The following BCAS3 variants were observed in gnomAD, a reference collection of about 807,000 sequenced individuals.
The protein encoded by BCAS3 is BCAS3 microtubule associated cell migration factor.
Under a neutral mutation model 116.1 loss-of-function variants are expected in BCAS3, and 53 were observed. That is an observed-to-expected ratio of 0.46 (90% CI 0.37 to 0.57). The LOEUF is 0.57. Ranked by LOEUF, BCAS3 falls within the 20% of genes least tolerant of loss-of-function variation. The probability of loss-of-function intolerance (pLI) is 0.00; values close to 1 mark genes in which losing one functional copy is unlikely to be tolerated. For missense variants in BCAS3, 917 were observed against 1,165.4 expected, an observed-to-expected ratio of 0.79 and a Z score of 3.10; for synonymous variants, 391 against 408.2, an observed-to-expected ratio of 0.96 and a Z score of 0.51.
At chr17:60,830,072 A>G (rs777969616) in intron 7 of BCAS3, among the ~76,000 whole-genome samples, 44 of 152,232 alleles carry the variant, frequency 2.9e-4, no homozygotes, top group Non-Finnish European at 4.4e-4. Flanking sequence ...GCTCACCGCA[A>G]CCTCTGCCTC....
intron 15 of BCAS3, among the ~76,000 whole-genome samples, chr17:61,000,261 C>G (rs1350104025): frequency 6.6e-6 from 1 of 152,066 alleles, no homozygotes; most frequent in African/African-American, 2.4e-5. Context: ...ATGATGTTGG[C>G]TATGAGTTTG....
chr17:60,860,401 T>G (rs889117294), intron 7 of BCAS3, among the ~76,000 whole-genome samples: 2 of 152,208 alleles, frequency 1.3e-5, no homozygotes, highest in Non-Finnish European at 2.9e-5. Context: ...GTCAGATGCA[T>G]AGTTCACAAA....
intron 19 of BCAS3, among the ~76,000 whole-genome samples, chr17:61,064,675 A>G (rs941672145): frequency 6.6e-6 from 1 of 152,170 alleles, no homozygotes; most frequent in Non-Finnish European, 1.5e-5. Context: ...GAAGATATAT[A>G]CTTTTTCTAA....
chr17:61,120,468 T>C (rs1454480673), intron 22 of BCAS3, among the ~76,000 whole-genome samples: 8 of 152,130 alleles, frequency 5.3e-5, no homozygotes, highest in Non-Finnish European at 8.8e-5. Flanking sequence ...TTAATGTGTG[T>C]GTGCATATAC....
chr17:60,799,527 T>TTTG (rs1555722750), intron 6 of BCAS3, among the ~76,000 whole-genome samples: 1 of 126,620 alleles, frequency 7.9e-6, no homozygotes, highest in African/African-American at 3.6e-5. Flanking sequence ...AGTGTTTGTT[T>TTTG]TTTTTTTTTT....
rs912713816 is a variant in BCAS3 at position 61,122,362 on chromosome 17, A to T, written c.2425+37798A>T. Among the ~76,000 whole-genome samples the T allele has an allele frequency of 6.6e-6, 1 of 152,234 alleles. No homozygotes were observed. Among genetic ancestry groups the T allele is most frequent in the Non-Finnish European group, 1.5e-5 (1 of 68,038 alleles). ...CAGGCTGCCCTTGGTTTTGAGCCAGATAACAAACCTTTCAGTTGAATTTTT... is the reference window on the plus strand; with the variant it reads ...CAGGCTGCCCTTGGTTTTGAGCCAGTTAACAAACCTTTCAGTTGAATTTTT... On this transcript the variant is annotated intron_variant, in intron 22 of 23. Transcript: ENST00000407086. This position sits in a 1 kb window ranked among gnomAD's most constrained non-coding sequence, Gnocchi z 4.6.
At chr17:61,102,467 G>T (rs112688635) in intron 22 of BCAS3, among the ~76,000 whole-genome samples, 8 of 152,076 alleles carry the variant, frequency 5.3e-5, no homozygotes, top group African/African-American at 1.9e-4. Flanking sequence ...ATATTATGAG[G>T]TAAAAGCACT....
chr17:60,993,128 G>A lies in BCAS3; in HGVS notation c.1486+2893G>A, dbSNP rs1342281352. Among the ~76,000 whole-genome samples, 2 of 152,174 alleles carry A rather than the reference G, an allele frequency of 1.3e-5. No homozygotes were observed. The highest frequency in any genetic ancestry group is 4.8e-5 in the African/African-American group (2 of 41,440). On this transcript the variant is annotated intron_variant, in intron 15 of 23. Transcript: ENST00000407086. The surrounding 1 kb of genome is among the most constrained non-coding windows in gnomAD (Gnocchi z 4.2). ...TTGTGTTAAGATTCAAGCATAATGT[G>A]CACAAAAGATTGTGGGCATTCCTAC...
rs546559515 is a variant in BCAS3, at chr17:61,141,337, C to A, written c.2425+56773C>A. Among the ~76,000 whole-genome samples the A allele has an allele frequency of 6.6e-6, 1 of 151,982 alleles. No homozygotes were observed. The highest frequency in any genetic ancestry group is 2.4e-5 in the African/African-American group (1 of 41,370). On this transcript the variant is annotated intron_variant, in intron 22 of 23. Coordinates refer to ENST00000407086, the MANE Select transcript of BCAS3 (RefSeq NM_017679.5). The surrounding 1 kb of genome is among the most constrained non-coding windows in gnomAD (Gnocchi z 4.3). The stretch of plus-strand genomic sequence containing the variant: ...TGTTGGGAGGCCAAAGTGGGAGGAC[C>A]GCTTGAGACCAGGAATTTGAGACCA...
chr17:61,388,332 A>C lies in BCAS3; in HGVS notation c.2594-3645A>C. ...GTCCCCAGCCCTCCCACTTCCTAAA[A>C]CTGTTCTTCATGTTGAACCTGTGAC... On this transcript the variant is annotated intron_variant, in intron 23 of 23. Transcript: ENST00000407086. The surrounding 1 kb of genome is among the most constrained non-coding windows in gnomAD (Gnocchi z 6.5). The C allele has an allele frequency of 2.6e-6, 1 of 387,912 alleles. No individual in the cohort carries two copies. The allele number at this position is 387,912 out of a possible 1,614,324, so 24.0% of individuals were successfully genotyped here.
At position 61,323,549 on chromosome 17, in the gene BCAS3, T is replaced by C. The variant is rs907123674; in HGVS notation, c.2426-44778T>C. 3.2e-4 allele frequency among the ~76,000 whole-genome samples: 49 copies of C among 152,214 alleles called. No homozygotes were observed. The highest frequency in any genetic ancestry group is 1.1e-3 in the African/African-American group (44 of 41,452). Reference sequence around the variant, plus strand: ...TATGGAAGAGAAAAGTTGTTGATAATGTAAAAATGCTTTGAGAAATATCTT... The same window carrying C: ...TATGGAAGAGAAAAGTTGTTGATAACGTAAAAATGCTTTGAGAAATATCTT... On this transcript the variant is annotated intron_variant, in intron 22 of 23. Transcript: ENST00000407086. This position sits in a 1 kb window ranked among gnomAD's most constrained non-coding sequence, Gnocchi z 4.6.
intron 22 of BCAS3, among the ~76,000 whole-genome samples, chr17:61,158,242 C>A (rs958338285): frequency 1.9e-4 from 29 of 152,226 alleles, no homozygotes; most frequent in Admixed American, 1.7e-3. Context: ...ATTTCTTATT[C>A]TTTACATGAC....
rs1460776915 is a variant in BCAS3 at position 61,122,182 on chromosome 17, A to G, written c.2425+37618A>G. Among the ~76,000 whole-genome samples, 2 of 152,254 alleles carry G rather than the reference A, an allele frequency of 1.3e-5. No homozygotes were observed. The highest frequency in any genetic ancestry group is 2.9e-5 in the Non-Finnish European group (2 of 68,034). Reference sequence around the variant, plus strand: ...CAGTTTTAATCACAACTAAAATCATACACATGCATCTTCCAGTGACGCATT... The same window carrying G: ...CAGTTTTAATCACAACTAAAATCATGCACATGCATCTTCCAGTGACGCATT... On this transcript the variant is annotated intron_variant, in intron 22 of 23. Transcript: ENST00000407086. The surrounding 1 kb of genome is among the most constrained non-coding windows in gnomAD (Gnocchi z 4.6).
At chr17:60,728,278 G>A (rs1035664307) in intron 5 of BCAS3, among the ~76,000 whole-genome samples, 1 of 151,958 alleles carries the variant, frequency 6.6e-6, no homozygotes, top group Admixed American at 6.6e-5. Context: ...TTTTTATCAT[G>A]TCCATTCTTT....
chr17:61,194,490 G>C (rs2080355100), intron 22 of BCAS3, among the ~76,000 whole-genome samples: 1 of 152,122 alleles, frequency 6.6e-6, no homozygotes, highest in Non-Finnish European at 1.5e-5. Flanking sequence ...CTGTAATCTA[G>C]CACTTTGGGA....
At chr17:60,714,446 T>C (rs1298450325) in intron 5 of BCAS3, among the ~76,000 whole-genome samples, 1 of 152,152 alleles carries the variant, frequency 6.6e-6, no homozygotes, top group Non-Finnish European at 1.5e-5. Context: ...AGCAAGTTAC[T>C]TGAGGTCAAG....
intron 9 of BCAS3, among the ~76,000 whole-genome samples, chr17:60,881,975 A>C (rs138760546): frequency 0.29 from 41,746 of 145,024 alleles, 10,474 homozygotes; most frequent in African/African-American, 0.7. Context: ...ATGGCTGGGT[A>C]AAATGGTATT....
chr17:60,958,397 A>G (rs2061250813), intron 14 of BCAS3, among the ~76,000 whole-genome samples: 1 of 152,250 alleles, frequency 6.6e-6, no homozygotes, highest in South Asian at 2.1e-4. Context: ...AGGTTACAGG[A>G]TATTAGATCA....
chr17:61,391,383 GGAAA>G lies in BCAS3; in HGVS notation c.2594-593_2594-590del, dbSNP rs2060121603. ...TCTCAAACCAGGCATCCCCTCCCAG[GGAAA>G]CAGGACACTTGGCAGGAGGTGCCAA... is the stretch of plus-strand genomic sequence containing the variant. On this transcript the variant is annotated intron_variant, in intron 23 of 23. Transcript: ENST00000407086. The surrounding 1 kb of genome is among the most constrained non-coding windows in gnomAD (Gnocchi z 7.7). 1 of 152,702 alleles carries G rather than the reference GGAAA, an allele frequency of 6.5e-6. No homozygotes were observed. Among genetic ancestry groups the G allele is most frequent in the African/African-American group, 2.4e-5 (1 of 41,452 alleles). 9.5% of individuals were successfully genotyped at this position (152,702 alleles called of 1,614,324 possible). A position where few individuals can be genotyped will look rare whatever the true frequency, so the allele number is the denominator to read the frequency against.
Sources: gnomAD v4.1 joint callset for allele counts (sites outside exome capture counted in the v4.1 genomes callset) on GRCh38, gnomAD v4.1.1 for gene constraint, Gnocchi (gnomAD v3.1) non-coding constraint, MANE v1.5 for transcripts, NCBI Gene and HGNC (gene_info 2026-07-23, HGNC 2026-07-21) for gene names.